Variants in ELAVL4 observed in about 807,000 individuals in gnomAD.
ELAVL4 encodes ELAV-like protein 4.
In ELAVL4, 1 loss-of-function variant was observed where a neutral mutation model predicts 35.6. That is an observed-to-expected ratio of 0.03 (90% CI 0.01 to 0.13). ELAVL4 has a LOEUF of 0.13. ELAVL4 is among the 10% of genes least tolerant of loss of function. The probability of loss-of-function intolerance (pLI) is 1.00; values close to 1 mark genes in which losing one functional copy is unlikely to be tolerated. For missense variants in ELAVL4, 267 were observed against 464.9 expected (o/e 0.57, Z 3.91); for synonymous variants, 156 against 171.0 (o/e 0.91, Z 0.69).
At chr1:50,057,928 C>A (rs537104900) in intron 1 of ELAVL4, among the ~76,000 whole-genome samples, 1 of 152,186 alleles carries the variant, frequency 6.6e-6, no homozygotes, top group Non-Finnish European at 1.5e-5. Context: ...AATAATATTT[C>A]TCTCACCTTC....
At chr1:50,086,949 T>C (rs1557694705) in intron 1 of ELAVL4, among the ~76,000 whole-genome samples, 1 of 152,174 alleles carries the variant, frequency 6.6e-6, no homozygotes, top group East Asian at 1.9e-4. Context: ...TGGCCTCTGC[T>C]GTTCTTTAGC....
intron 2 of ELAVL4, among the ~76,000 whole-genome samples, chr1:50,168,112 C>T (rs543965646): frequency 3.3e-5 from 5 of 152,318 alleles, no homozygotes; most frequent in African/African-American, 1.2e-4. Flanking sequence ...TCTCCACTTT[C>T]GGGTGGTGCC....
chr1:50,176,983 T>G (rs1680147264), intron 2 of ELAVL4, 106 bp from the exon 3 acceptor site: 4 of 839,524 alleles, frequency 4.8e-6, no homozygotes, highest in Non-Finnish European at 7.5e-6. Context: ...CTCACTGCAG[T>G]GGGAAGTGTT....
chr1:50,084,815 TTTTC>T (rs1469320950), intron 1 of ELAVL4, among the ~76,000 whole-genome samples: 1 of 152,174 alleles, frequency 6.6e-6, no homozygotes, highest in Non-Finnish European at 1.5e-5. Flanking sequence ...ATAGGTCCTG[TTTTC>T]TTTCTTAGCA....
intron 1 of ELAVL4, among the ~76,000 whole-genome samples, chr1:50,081,009 T>G (rs1294819021): frequency 2.6e-5 from 4 of 152,206 alleles, no homozygotes; most frequent in Non-Finnish European, 5.9e-5. Flanking sequence ...TTCTTGGCTT[T>G]AAGAAGAACC....
chr1:50,126,086 G>T (rs1449315160), intron 1 of ELAVL4, among the ~76,000 whole-genome samples: 3 of 152,084 alleles, frequency 2.0e-5, no homozygotes, highest in African/African-American at 7.2e-5. Flanking sequence ...TCCCCCTAGG[G>T]TGTGCATTTT....
rs554554868 is a variant in ELAVL4 at position 50,077,143 on chromosome 1, C to A, written c.18+28961C>A. On this transcript the variant is annotated intron_variant, in intron 1 of 6. Transcript: ENST00000448907. Reference sequence around the variant, plus strand: ...CCAGATTCACCTCCCAGACCCAGTTCTATCCCATGTTAGATACATGTATAT... The same window carrying A: ...CCAGATTCACCTCCCAGACCCAGTTATATCCCATGTTAGATACATGTATAT... Among the ~76,000 whole-genome samples, 5 of 152,196 alleles carry A rather than the reference C, an allele frequency of 3.3e-5. No homozygotes were observed. The South Asian group carries it at 1.0e-3, about 32-fold the overall frequency.
In ELAVL4 at chr1:50,068,760, G is replaced by A. The variant is rs556601312; in HGVS notation, c.18+20578G>A. On this transcript the variant is annotated intron_variant, in intron 1 of 6. Coordinates refer to the ELAVL4 transcript ENST00000448907. ...TGAAATATACGGATAAGTTAAGATG[G>A]CTATGGATTTAAATGGAAGTCTGCA... Among the ~76,000 whole-genome samples, 7 of 152,272 alleles carry A rather than the reference G, an allele frequency of 4.6e-5. 1 individual carries two copies. The South Asian group carries it at 1.5e-3, about 32-fold the overall frequency.
chr1:50,137,771 G>C (rs541152972), intron 1 of ELAVL4, among the ~76,000 whole-genome samples: 15 of 152,258 alleles, frequency 9.9e-5, no homozygotes, highest in African/African-American at 3.1e-4. Flanking sequence ...GTTTGGGAAG[G>C]AAGGAAAGGT....
chr1:50,165,075 A>T (rs939297516), intron 2 of ELAVL4, among the ~76,000 whole-genome samples: 1 of 152,186 alleles, frequency 6.6e-6, no homozygotes, highest in Non-Finnish European at 1.5e-5. Context: ...GGAGGGGGCC[A>T]CTGTAGTTTT....
At chr1:50,118,649 G>GAAAT in intron 1 of ELAVL4, among the ~76,000 whole-genome samples, 1 of 152,090 alleles carries the variant, frequency 6.6e-6, no homozygotes, top group East Asian at 1.9e-4. Context: ...TCTGAAGGGG[G>GAAAT]AAATAAATAA....
intron 3 of ELAVL4, among the ~76,000 whole-genome samples, chr1:50,181,675 G>GTTTGTTTTGT (rs55633909): frequency 5.9e-4 from 89 of 151,110 alleles, no homozygotes; most frequent in East Asian, 1.2e-3. Flanking sequence ...GTATGTGTGT[G>GTTTGTTTTGT]TTTGTTTTGT....
At chr1:50,184,618 G>A (rs1681551215) in intron 3 of ELAVL4, among the ~76,000 whole-genome samples, 1 of 152,194 alleles carries the variant, frequency 6.6e-6, no homozygotes, top group African/African-American at 2.4e-5. Context: ...CACAATGGTT[G>A]CTTTTCTATT....
chr1:50,058,862 C>A (rs1290173769), intron 1 of ELAVL4, among the ~76,000 whole-genome samples: 1 of 152,054 alleles, frequency 6.6e-6, no homozygotes, highest in African/African-American at 2.4e-5. Flanking sequence ...CCTGAGCTTC[C>A]CAAAGTGCTG....
intron 3 of ELAVL4, among the ~76,000 whole-genome samples, chr1:50,184,431 T>C (rs1246767472): frequency 1.3e-5 from 2 of 152,072 alleles, no homozygotes; most frequent in African/African-American, 4.8e-5. Flanking sequence ...CAACTTTAGT[T>C]GTGTTGGGAG....
chr1:50,126,941 A>G (rs190701482), intron 1 of ELAVL4, among the ~76,000 whole-genome samples: 1 of 152,134 alleles, frequency 6.6e-6, no homozygotes, highest in East Asian at 1.9e-4. Flanking sequence ...ATTGTGATTC[A>G]CTCAGAATTT....
intron 1 of ELAVL4, among the ~76,000 whole-genome samples, chr1:50,124,848 G>A (rs9436445): frequency 0.26 from 39,436 of 152,014 alleles, 5,369 homozygotes; most frequent in East Asian, 0.34. Context: ...TTGTGAGGAT[G>A]TGATGGACCA....
At chr1:50,108,846 G>A (rs922844955), upstream of ELAVL4, 1 of 982,370 alleles carries the variant, frequency 1.0e-6, no homozygotes, top group Non-Finnish European at 1.2e-6. Flanking sequence ...GCCTCCCTTC[G>A]TTTCCCCAGC....
intron 3 of ELAVL4, among the ~76,000 whole-genome samples, chr1:50,189,522 G>T (rs1367058372): frequency 6.6e-6 from 1 of 152,246 alleles, no homozygotes; most frequent in Non-Finnish European, 1.5e-5. Flanking sequence ...TGTCAGTAAA[G>T]TGGTAAAAGA....
Sources: allele counts gnomAD v4.1 joint callset (sites outside exome capture counted in the v4.1 genomes callset), GRCh38; gene constraint gnomAD v4.1.1; transcripts MANE v1.5; gene names NCBI Gene and HGNC (gene_info 2026-07-23, HGNC 2026-07-21).